DCDC1: variants seen among roughly 807,000 people sequenced by gnomAD.
The protein encoded by DCDC1 is doublecortin domain containing 1.
In DCDC1, 200 loss-of-function variants were observed where a neutral mutation model predicts 178.3. That is an observed-to-expected ratio of 1.12 (90% CI 1.00 to 1.26). DCDC1 has a LOEUF of 1.26. Among genes scored for constraint, DCDC1 ranks in the 50% most tolerant of loss-of-function variants. The pLI is 0.00. For missense variants in DCDC1, 1,983 were observed against 1,749.2 expected (o/e 1.13, Z -2.38); for synonymous variants, 690 against 604.8 (o/e 1.14, Z -2.07).
At chr11:31,011,035 T>C (rs1952136190) in intron 20 of DCDC1, among the ~76,000 whole-genome samples, 1 of 152,142 alleles carries the variant, frequency 6.6e-6, no homozygotes, top group African/African-American at 2.4e-5. Context: ...GGAAATATGA[T>C]ATATGACAGA....
At chr11:30,876,965 A>C (rs1211830084) in intron 38 of DCDC1, among the ~76,000 whole-genome samples, 1 of 152,110 alleles carries the variant, frequency 6.6e-6, no homozygotes, top group Admixed American at 6.6e-5. Context: ...CAGAAGTCAC[A>C]TGCAATCTTT....
chr11:31,348,498 T>C (rs993033905), intron 1 of DCDC1, among the ~76,000 whole-genome samples: 8 of 152,190 alleles, frequency 5.3e-5, no homozygotes, highest in South Asian at 4.1e-4. Context: ...TATCTGTCCC[T>C]TGAAAACTGC....
intron 23 of DCDC1, among the ~76,000 whole-genome samples, chr11:30,924,088 C>T (rs190913053): frequency 2.0e-5 from 3 of 152,276 alleles, no homozygotes; most frequent in Non-Finnish European, 2.9e-5. Flanking sequence ...TCCACTCATA[C>T]CTGCTTTGCC....
intron 38 of DCDC1, among the ~76,000 whole-genome samples, chr11:30,868,476 C>T (rs2133905429): frequency 6.6e-6 from 1 of 152,074 alleles, no homozygotes; most frequent in East Asian, 1.9e-4. Flanking sequence ...GTCTTGAACT[C>T]CTGACCTCAG....
In DCDC1 at chr11:31,221,973, C is replaced by T. The variant is rs191566809; in HGVS notation, c.1221+19477G>A. Among the ~76,000 whole-genome samples, 392 of 152,286 alleles carry T rather than the reference C, an allele frequency of 2.6e-3. 2 individuals carry two copies. The highest frequency in any genetic ancestry group is 8.5e-3 in the African/African-American group (354 of 41,556). On this transcript the variant is annotated intron_variant, in intron 9 of 38. Transcript: ENST00000684477. Reference sequence around the variant, plus strand: ...AATCCAATTTCATCACTTGTAAGTTCTACCTTCTGCGAAACACTAGAACAC... The same window carrying T: ...AATCCAATTTCATCACTTGTAAGTTTTACCTTCTGCGAAACACTAGAACAC...
At chr11:31,012,068 C>T (rs1279490049) in intron 20 of DCDC1, among the ~76,000 whole-genome samples, 1 of 152,146 alleles carries the variant, frequency 6.6e-6, no homozygotes, top group Non-Finnish European at 1.5e-5. Context: ...GCTCTCTCTT[C>T]CTCCTGCTCC....
At chr11:30,988,623 AT>A (rs1443587578) in intron 20 of DCDC1, among the ~76,000 whole-genome samples, 1 of 152,126 alleles carries the variant, frequency 6.6e-6, no homozygotes, top group Non-Finnish European at 1.5e-5. Flanking sequence ...GGGGCATCCA[AT>A]TTTTTGGCTC....
chr11:31,228,092 C>G lies in DCDC1; in HGVS notation c.1221+13358G>C, dbSNP rs576096370. ...CAGAAGATGTGAAAAACTCTATCAA[C>G]TAGCTTGAACAAACTGACATTGAAG... is the stretch of plus-strand genomic sequence containing the variant. On this transcript the variant is annotated intron_variant, in intron 9 of 38. Coordinates refer to ENST00000684477, the MANE Select transcript of DCDC1 (RefSeq NM_001387274.1). Among the ~76,000 whole-genome samples the G allele has an allele frequency of 9.5e-4, 145 of 152,150 alleles. 1 individual carries two copies. Among genetic ancestry groups the G allele is most frequent in the African/African-American group, 3.3e-3 (137 of 41,544 alleles).
chr11:31,213,782 G>T (rs1270462629), intron 9 of DCDC1, among the ~76,000 whole-genome samples: 1 of 151,516 alleles, frequency 6.6e-6, no homozygotes, highest in Non-Finnish European at 1.5e-5. Flanking sequence ...AGAGGTCCAT[G>T]ACATAGTAGA....
At chr11:31,096,899 C>T (rs1447345460) in intron 15 of DCDC1, among the ~76,000 whole-genome samples, 5 of 152,004 alleles carry the variant, frequency 3.3e-5, no homozygotes, top group African/African-American at 7.2e-5. Flanking sequence ...ACATAATATG[C>T]CATATGTATG....
rs1424368408 is a variant in DCDC1 at position 30,894,341 on chromosome 11, G to C, written c.4809C>G (p.Thr1603=). The C allele has an allele frequency of 1.2e-6, 2 of 1,613,864 alleles. No individual in the cohort carries two copies. Among genetic ancestry groups the C allele is most frequent in the Non-Finnish European group, 1.7e-6 (2 of 1,179,820 alleles). The change falls in exon 35 of 39, where the codon ACC becomes ACG. Residue 1603 remains threonine, a synonymous_variant. Coordinates refer to ENST00000684477, the MANE Select transcript of DCDC1 (RefSeq NM_001387274.1). ...AACQPATMVP[T]KSPVQPVVVE... is the part of the protein sequence containing the mutation. Reference sequence around the variant, plus strand: ...CCACCACGGGCTGCACAGGGCTCTTGGTAGGAACCATGGTGGCTGGCTGAC... The same window carrying C: ...CCACCACGGGCTGCACAGGGCTCTTCGTAGGAACCATGGTGGCTGGCTGAC...
intron 9 of DCDC1, among the ~76,000 whole-genome samples, chr11:31,189,664 C>T (rs1309317440): frequency 1.3e-5 from 2 of 152,088 alleles, no homozygotes; most frequent in Non-Finnish European, 2.9e-5. Flanking sequence ...ACTGGTGGCC[C>T]CTCATCACTT....
intron 7 of DCDC1, among the ~76,000 whole-genome samples, chr11:31,285,324 A>G (rs965590468): frequency 3.3e-5 from 5 of 152,152 alleles, no homozygotes; most frequent in Non-Finnish European, 5.9e-5. Context: ...ATATCAATGG[A>G]CTTTTCTTCA....
At chr11:31,019,308 G>A (rs187884404) in intron 20 of DCDC1, among the ~76,000 whole-genome samples, 23 of 152,268 alleles carry the variant, frequency 1.5e-4, no homozygotes, top group African/African-American at 5.3e-4. Flanking sequence ...ACTTAAAGAT[G>A]AGCGCCAAAA....
chr11:31,296,050 G>C (rs1229515019), intron 6 of DCDC1, among the ~76,000 whole-genome samples: 1 of 151,980 alleles, frequency 6.6e-6, no homozygotes. Context: ...AAAACTCTTG[G>C]AACTAGTTTT....
rs1217477591 is a variant in DCDC1 at position 31,137,694 on chromosome 11, C to A, written c.1312G>T (p.Glu438Ter). The change falls in exon 10 of 39, where the codon GAA becomes TAA. Residue 438 changes from glutamate (E) to a stop codon, truncating the protein, a stop_gained and splice_region_variant. Coordinates refer to ENST00000684477, the MANE Select transcript of DCDC1 (RefSeq NM_001387274.1). LOFTEE classifies it high-confidence loss of function. ...AGTTTACAAAGTAATTTCCTTACTT[C>A]TTCCTGTTCCTTATGGTGTTCCTTT... ...TAKEHHKEQE[E>*]VSRLIDELQT... The A allele has an allele frequency of 1.4e-6, 1 of 702,438 alleles. No homozygotes were observed. The highest frequency in any genetic ancestry group is 2.6e-6 in the Non-Finnish European group (1 of 384,782). 43.5% of individuals were successfully genotyped at this position (702,438 alleles called of 1,614,324 possible).
chr11:30,895,750 T>C (rs1472175587), intron 34 of DCDC1, among the ~76,000 whole-genome samples: 1 of 152,160 alleles, frequency 6.6e-6, no homozygotes, highest in Non-Finnish European at 1.5e-5. Flanking sequence ...CATTAAGCAA[T>C]GCACTTTGGA....
At chr11:30,983,402 G>C (rs538797135) in intron 20 of DCDC1, among the ~76,000 whole-genome samples, 1 of 152,058 alleles carries the variant, frequency 6.6e-6, no homozygotes, top group South Asian at 2.1e-4. Context: ...TGTGGTTAGG[G>C]GTTTATATTG....
At chr11:31,230,446 G>A (rs1174435540) in intron 9 of DCDC1, among the ~76,000 whole-genome samples, 4 of 152,016 alleles carry the variant, frequency 2.6e-5, no homozygotes, top group Non-Finnish European at 5.9e-5. Flanking sequence ...GGTGGTTCAC[G>A]CAGGCCAAGA....
Sources: allele counts gnomAD v4.1 joint callset (sites outside exome capture counted in the v4.1 genomes callset), GRCh38; gene constraint gnomAD v4.1.1; transcripts MANE v1.5; gene names NCBI Gene and HGNC (gene_info 2026-07-23, HGNC 2026-07-21).